CDH12: variants seen among roughly 807,000 people sequenced by gnomAD.
CDH12 encodes the protein cadherin-12.
In CDH12, 41 loss-of-function variants were observed where a neutral mutation model predicts 74.1. That is an observed-to-expected ratio of 0.55 (90% CI 0.43 to 0.72). CDH12 has a LOEUF of 0.72. Ranked by LOEUF, CDH12 falls within the 30% of genes least tolerant of loss-of-function variation. The pLI is 0.00. For synonymous variants in CDH12, 399 were observed against 355.0 expected (o/e 1.12, Z -1.39); for missense variants, 945 against 977.2 (o/e 0.97, Z 0.44).
chr5:22,566,911 A>C (rs1739314323), intron 1 of CDH12, among the ~76,000 whole-genome samples: 1 of 152,144 alleles, frequency 6.6e-6, no homozygotes, highest in African/African-American at 2.4e-5. Context: ...CATTCTATAG[A>C]GATTTTGTAA....
chr5:21,925,257 A>G (rs1357080397), intron 6 of CDH12, among the ~76,000 whole-genome samples: 1 of 152,220 alleles, frequency 6.6e-6, no homozygotes, highest in Non-Finnish European at 1.5e-5. Context: ...TCATGAATAT[A>G]TGCAACAGTG....
At chr5:22,014,422 T>C (rs1464648681) in intron 5 of CDH12, among the ~76,000 whole-genome samples, 1 of 152,182 alleles carries the variant, frequency 6.6e-6, no homozygotes, top group East Asian at 1.9e-4. Flanking sequence ...TATATAAGTA[T>C]ATATAAATGT....
At chr5:22,429,706 T>C (rs1246718597) in intron 2 of CDH12, among the ~76,000 whole-genome samples, 1 of 152,152 alleles carries the variant, frequency 6.6e-6, no homozygotes, top group Non-Finnish European at 1.5e-5. Context: ...GATTACTCAT[T>C]TTTTGAAATA....
At chr5:22,153,927 CAA>C (rs1392948007) in intron 4 of CDH12, among the ~76,000 whole-genome samples, 8 of 132,632 alleles carry the variant, frequency 6.0e-5, no homozygotes, top group African/African-American at 2.0e-4. Context: ...CACACACACA[CAA>C]ACATATATAT....
At chr5:22,147,066 G>T (rs1747234325) in intron 4 of CDH12, among the ~76,000 whole-genome samples, 1 of 152,176 alleles carries the variant, frequency 6.6e-6, no homozygotes, top group East Asian at 1.9e-4. Context: ...ATTTAACTTT[G>T]TTCATCCAGT....
rs1203252464 is a variant in CDH12, at chr5:22,739,672, T to C, written c.-523+113386A>G. Among the ~76,000 whole-genome samples, 3 of 152,096 alleles carry C rather than the reference T, an allele frequency of 2.0e-5. No homozygotes were observed. The East Asian group carries it at 5.8e-4, about 29-fold the overall frequency. On this transcript the variant is annotated intron_variant, in intron 1 of 14. Coordinates refer to ENST00000382254, the MANE Select transcript of CDH12 (RefSeq NM_004061.5). ...GAACAAATCTCCGGAAGTTATTTAT[T>C]ATGCATAACTGAAACTTTGTACCAT... is the stretch of plus-strand genomic sequence containing the variant.
At chr5:21,999,744 T>C (rs1340710290) in intron 5 of CDH12, among the ~76,000 whole-genome samples, 1 of 151,192 alleles carries the variant, frequency 6.6e-6, no homozygotes, top group African/African-American at 2.4e-5. Context: ...TACTCAGCAC[T>C]AGTGAAGTTT....
intron 4 of CDH12, among the ~76,000 whole-genome samples, chr5:22,105,556 G>A (rs917639766): frequency 1.3e-5 from 2 of 151,606 alleles, no homozygotes; most frequent in African/African-American, 2.4e-5. Context: ...AACTTAGCCA[G>A]GTGTGGTGTT....
At chr5:22,655,831 A>T (rs1017101373) in intron 1 of CDH12, among the ~76,000 whole-genome samples, 1 of 152,234 alleles carries the variant, frequency 6.6e-6, no homozygotes, top group Non-Finnish European at 1.5e-5. Flanking sequence ...CAGAATTTTA[A>T]CTAAGTCTGA....
At chr5:22,316,226 GT>G (rs553001424) in intron 3 of CDH12, among the ~76,000 whole-genome samples, 306 of 140,538 alleles carry the variant, frequency 2.2e-3, no homozygotes, top group Middle Eastern at 7.5e-3. Flanking sequence ...AATGCTAAGA[GT>G]TTTTTTTTTT....
chr5:22,518,414 C>A (rs1291524386), intron 1 of CDH12, among the ~76,000 whole-genome samples: 3 of 152,144 alleles, frequency 2.0e-5, no homozygotes, highest in Non-Finnish European at 4.4e-5. Context: ...AAGTTTATAT[C>A]ATCACTCATC....
chr5:22,590,955 C>T (rs887678712), intron 1 of CDH12, among the ~76,000 whole-genome samples: 12 of 152,030 alleles, frequency 7.9e-5, no homozygotes, highest in African/African-American at 2.9e-4. Flanking sequence ...TGTCTTTTTC[C>T]AATTATGAGA....
intron 3 of CDH12, among the ~76,000 whole-genome samples, chr5:22,308,587 A>G (rs879633049): frequency 6.6e-6 from 1 of 152,186 alleles, no homozygotes; most frequent in Non-Finnish European, 1.5e-5. Context: ...AAACCATTTA[A>G]TTGTATATGT....
At chr5:22,130,251 A>G (rs908321524) in intron 4 of CDH12, among the ~76,000 whole-genome samples, 1 of 151,124 alleles carries the variant, frequency 6.6e-6, no homozygotes, top group Non-Finnish European at 1.5e-5. Context: ...ATAAAAGGGA[A>G]CCAGAAATCT....
At chr5:22,462,717 G>A (rs1355827609) in intron 2 of CDH12, among the ~76,000 whole-genome samples, 3 of 152,060 alleles carry the variant, frequency 2.0e-5, no homozygotes, top group Non-Finnish European at 4.4e-5. Flanking sequence ...ACAAACTTGT[G>A]GTAGCTGCAA....
intron 5 of CDH12, among the ~76,000 whole-genome samples, chr5:21,984,591 T>C (rs962600296): frequency 6.6e-6 from 1 of 152,182 alleles, no homozygotes; most frequent in Non-Finnish European, 1.5e-5. Context: ...ATTGGCCATC[T>C]TCTCTGATGA....
At chr5:21,818,653 C>T (rs536178070) in intron 8 of CDH12, among the ~76,000 whole-genome samples, 2 of 151,948 alleles carry the variant, frequency 1.3e-5, no homozygotes, top group South Asian at 4.1e-4. Context: ...AAATACTCAA[C>T]TAAAGTTTGT....
At chr5:22,225,454 T>C (rs72742028) in intron 3 of CDH12, among the ~76,000 whole-genome samples, 14,021 of 152,084 alleles carry the variant, frequency 0.092, 680 homozygotes, top group South Asian at 0.15. Flanking sequence ...TGAAATGACA[T>C]TAAAAATCAC....
At chr5:22,452,880 C>CAAAAAAAAAAAAAAAAAAAA (rs768945480) in intron 2 of CDH12, among the ~76,000 whole-genome samples, 7 of 32,200 alleles carry the variant, frequency 2.2e-4, no homozygotes, top group East Asian at 2.2e-3. Context: ...AACCTAAGAG[C>CAAAAAAAAAAAAAAAAAAAA]AAAAAAAAAA....
Sources: gnomAD v4.1 joint callset for allele counts (sites outside exome capture counted in the v4.1 genomes callset) on GRCh38, gnomAD v4.1.1 for gene constraint, MANE v1.5 for transcripts, NCBI Gene and HGNC (gene_info 2026-07-23, HGNC 2026-07-21) for gene names.